Variants in TULP4 observed in about 807,000 individuals in gnomAD.
TULP4 encodes the protein TUB like protein 4.
In TULP4, 16 loss-of-function variants were observed where a neutral mutation model predicts 129.0. That is an observed-to-expected ratio of 0.12 (90% CI 0.08 to 0.19). TULP4 has a LOEUF of 0.19. TULP4 is among the 10% of genes least tolerant of loss of function. The pLI is 1.00. For missense variants in TULP4, 1,842 were observed against 2,059.1 expected (o/e 0.89, Z 2.04); for synonymous variants, 998 against 854.0 (o/e 1.17, Z -2.94).
intron 6 of TULP4, among the ~76,000 whole-genome samples, chr6:158,468,372 A>G (rs1779600132): frequency 6.6e-6 from 1 of 152,212 alleles, no homozygotes; most frequent in African/African-American, 2.4e-5. Flanking sequence ...AAGTTACACA[A>G]ACTTCTCAGT....
chr6:158,340,105 C>G (rs1028699484), intron 1 of TULP4, among the ~76,000 whole-genome samples: 1 of 152,100 alleles, frequency 6.6e-6, no homozygotes, highest in Non-Finnish European at 1.5e-5. Context: ...GTGAGTTGAC[C>G]TTACTGTAGG....
rs958038724 is a variant in TULP4 at position 158,371,510 on chromosome 6, G to A, written c.253-41555G>A. Among the ~76,000 whole-genome samples the A allele has an allele frequency of 1.3e-5, 2 of 152,190 alleles. 1 individual carries two copies. The highest frequency in any genetic ancestry group is 2.9e-5 in the Non-Finnish European group (2 of 68,048). On this transcript the variant is annotated intron_variant, in intron 1 of 13. Transcript: ENST00000367097. ...GATCATTAAATGACGTGTTTATGAAGTGCACTGCCTGTCGTATGGAAAGCA... is the reference window on the plus strand; with the variant it reads ...GATCATTAAATGACGTGTTTATGAAATGCACTGCCTGTCGTATGGAAAGCA...
chr6:158,421,713 A>T (rs1032030904), intron 2 of TULP4, among the ~76,000 whole-genome samples: 6 of 152,226 alleles, frequency 3.9e-5, no homozygotes, highest in African/African-American at 1.4e-4. Flanking sequence ...CACAAAGAAC[A>T]GCTTTGTAGG....
Position 158,336,529 on chromosome 6 carries a change from A to G in TULP4, c.252+22261A>G, listed in dbSNP as rs562997093. On this transcript the variant is annotated intron_variant, in intron 1 of 13. Coordinates refer to ENST00000367097, the MANE Select transcript of TULP4 (RefSeq NM_020245.5). ...GTAAGTGATAGAGGAATTCACCCAT[A>G]TTTTCTTGTAGCTTAGAAAAAGACT... Among the ~76,000 whole-genome samples, 15 of 152,188 alleles carry G rather than the reference A, an allele frequency of 9.9e-5. No homozygotes were observed. The South Asian group carries it at 3.1e-3, about 32-fold the overall frequency.
In TULP4 at chr6:158,374,099, C is replaced by T. The variant is rs142749137; in HGVS notation, c.253-38966C>T. 5.3e-4 allele frequency among the ~76,000 whole-genome samples: 81 copies of T among 152,130 alleles called. 1 individual carries two copies. Among genetic ancestry groups the T allele is most frequent in the African/African-American group, 1.8e-3 (75 of 41,506 alleles). Reference sequence around the variant, plus strand: ...GGATACTATTAATAACATAATGATGCAAAGTCCTGCTCAGATGCAGATATT... The same window carrying T: ...GGATACTATTAATAACATAATGATGTAAAGTCCTGCTCAGATGCAGATATT... On this transcript the variant is annotated intron_variant, in intron 1 of 13. Transcript: ENST00000367097.
chr6:158,376,208 C>A (rs184827792), intron 1 of TULP4, among the ~76,000 whole-genome samples: 1 of 152,304 alleles, frequency 6.6e-6, no homozygotes, highest in Admixed American at 6.5e-5. Flanking sequence ...AAGCGGTAAC[C>A]ATTTCTCTCT....
At chr6:158,467,843 C>T (rs906484224) in intron 6 of TULP4, among the ~76,000 whole-genome samples, 1 of 152,206 alleles carries the variant, frequency 6.6e-6, no homozygotes, top group Non-Finnish European at 1.5e-5. Context: ...ACGCCTGGAA[C>T]AGATCTTGGC....
intron 3 of TULP4, among the ~76,000 whole-genome samples, chr6:158,433,022 C>T (rs1232279196): frequency 6.6e-6 from 1 of 152,158 alleles, no homozygotes; most frequent in East Asian, 1.9e-4. Flanking sequence ...CTTTTTATTT[C>T]CCTAATTGTT....
chr6:158,443,188 T>C (rs1778939885), intron 3 of TULP4, among the ~76,000 whole-genome samples: 1 of 152,162 alleles, frequency 6.6e-6, no homozygotes, highest in Non-Finnish European at 1.5e-5. Context: ...TTCACCGTGT[T>C]GGTCAGGATG....
At position 158,496,114 on chromosome 6, in the gene TULP4, TG is replaced by T. The variant is rs1372476867; in HGVS notation, c.1870+1269del. Among the ~76,000 whole-genome samples, 4 of 152,304 alleles carry T rather than the reference TG, an allele frequency of 2.6e-5. No homozygotes were observed. The East Asian group carries it at 7.7e-4, about 29-fold the overall frequency. On this transcript the variant is annotated intron_variant, in intron 11 of 13. Transcript: ENST00000367097. The stretch of plus-strand genomic sequence containing the variant: ...GGTCCATTCCAGAGCAACTTCCTTC[TG>T]TTGGGGAGGTCCCTATGTGAGTTGA...
intron 1 of TULP4, among the ~76,000 whole-genome samples, chr6:158,297,781 CG>C (rs1278360002): frequency 6.6e-6 from 1 of 152,088 alleles, no homozygotes; most frequent in Non-Finnish European, 1.5e-5. Context: ...CTATGTTTAG[CG>C]GTGCACGTAT....
chr6:158,269,787 C>T (rs542528267), intron 1 of TULP4, among the ~76,000 whole-genome samples: 1 of 152,302 alleles, frequency 6.6e-6, no homozygotes, highest in South Asian at 2.1e-4. Context: ...TTTATTTAGT[C>T]TTCCCAACAT....
intron 2 of TULP4, among the ~76,000 whole-genome samples, chr6:158,421,828 T>C (rs1026379966): frequency 3.9e-5 from 6 of 152,186 alleles, no homozygotes; most frequent in Non-Finnish European, 8.8e-5. Flanking sequence ...AATCATGATA[T>C]ATAGTGTTAA....
At chr6:158,331,773 A>ATATATATT (rs1779897644) in intron 1 of TULP4, among the ~76,000 whole-genome samples, 1 of 95,496 alleles carries the variant, frequency 1.0e-5, no homozygotes, top group African/African-American at 3.7e-5. Flanking sequence ...ATATACACGT[A>ATATATATT]TATATACACA....
At chr6:158,439,178 AAAT>A (rs1346524303) in intron 3 of TULP4, among the ~76,000 whole-genome samples, 5 of 151,798 alleles carry the variant, frequency 3.3e-5, no homozygotes, top group Non-Finnish European at 5.9e-5. Flanking sequence ...CTCAAAAAAA[AAAT>A]AATAATAATT....
chr6:158,372,494 A>C (rs568268295), intron 1 of TULP4, among the ~76,000 whole-genome samples: 235 of 152,284 alleles, frequency 1.5e-3, no homozygotes, highest in Middle Eastern at 3.4e-3. Flanking sequence ...GCAGTGTGGC[A>C]TATTTTTTAA....
At chr6:158,485,024 T>TA (rs761213425) in intron 8 of TULP4, among the ~76,000 whole-genome samples, 3 of 152,186 alleles carry the variant, frequency 2.0e-5, no homozygotes, top group Non-Finnish European at 2.9e-5. Flanking sequence ...ATGCTAGAAA[T>TA]ACGGATGTTA....
chr6:158,237,591 C>T, intron 1 of TULP4: 1 of 1,505,688 alleles, frequency 6.6e-7, no homozygotes, highest in Non-Finnish European at 9.2e-7. Context: ...TCTTTCTTCC[C>T]TGGTAGAAAG....
Position 158,351,707 on chromosome 6 carries a change from C to CTTTTTTTTTT in TULP4, c.252+37459_252+37468dup, listed in dbSNP as rs1160814801. On this transcript the variant is annotated intron_variant, in intron 1 of 13. Coordinates refer to ENST00000367097, the MANE Select transcript of TULP4 (RefSeq NM_020245.5). ...AGTAGCATCTTTTTGTGTTGTTAAA[C>CTTTTTTTTTT]TTTTTTTTTTTTTTTTTTTTTTTTT... is the stretch of plus-strand genomic sequence containing the variant. Among the ~76,000 whole-genome samples, 13 of 50,520 alleles carry CTTTTTTTTTT rather than the reference C, an allele frequency of 2.6e-4. 2 individuals are homozygous for CTTTTTTTTTT. Among genetic ancestry groups the CTTTTTTTTTT allele is most frequent in the African/African-American group, 4.1e-4 (5 of 12,262 alleles). 33.1% of individuals were successfully genotyped at this position (50,520 alleles called of 152,430 possible).
Sources: allele counts gnomAD v4.1 joint callset (sites outside exome capture counted in the v4.1 genomes callset), GRCh38; gene constraint gnomAD v4.1.1; transcripts MANE v1.5; gene names NCBI Gene and HGNC (gene_info 2026-07-23, HGNC 2026-07-21).